Variants in AOX1 observed in about 807,000 individuals in gnomAD.
AOX1 encodes aldehyde oxidase.
Under a neutral mutation model 169.5 loss-of-function variants are expected in AOX1, and 153 were observed. That is an observed-to-expected ratio of 0.90 (90% confidence interval 0.79 to 1.03). The LOEUF (loss-of-function observed/expected upper bound fraction) is 1.03. Among genes scored for constraint, AOX1 ranks in the 50% least tolerant of loss-of-function variants. AOX1 has a pLI of 0.00. For missense variants in AOX1, 1,656 were observed against 1,663.9 expected, an observed-to-expected ratio of 1.00 and a Z score of 0.08; for synonymous variants, 562 against 581.9, an observed-to-expected ratio of 0.97 and a Z score of 0.49.
chr2:200,671,654 C>T (rs1269878443), downstream of AOX1, among the ~76,000 whole-genome samples: 1 of 152,084 alleles, frequency 6.6e-6, no homozygotes, highest in African/African-American at 2.4e-5. Flanking sequence ...TGATGGACAG[C>T]AGTAAGTATT....
intron 4 of AOX1, among the ~76,000 whole-genome samples, chr2:200,599,233 T>A (rs555549443): frequency 1.9e-4 from 29 of 152,364 alleles, no homozygotes; most frequent in Admixed American, 1.0e-3. Context: ...GGATTTCTTT[T>A]ATCTCAGTAA....
chr2:200,602,812 A>G (rs964541002), intron 6 of AOX1, among the ~76,000 whole-genome samples: 1 of 152,114 alleles, frequency 6.6e-6, no homozygotes, highest in Admixed American at 6.6e-5. Context: ...TTGAGTAGCT[A>G]CTCAATATTT....
intron 12 of AOX1, among the ~76,000 whole-genome samples, chr2:200,611,098 A>C (rs974671483): frequency 2.0e-5 from 3 of 152,102 alleles, no homozygotes; most frequent in African/African-American, 7.2e-5. Context: ...CAAATGATCC[A>C]CCTGCCTTGG....
At chr2:200,642,137 AAG>A (rs1491031113) in intron 24 of AOX1, among the ~76,000 whole-genome samples, 2 of 152,168 alleles carry the variant, frequency 1.3e-5, no homozygotes, top group Non-Finnish European at 2.9e-5. Flanking sequence ...CTAAAAAAAA[AAG>A]AGTTTCAACC....
At position 200,611,413 on chromosome 2, in the gene AOX1, C is replaced by G. The variant is rs749984777; in HGVS notation, c.1183C>G (p.Gln395Glu). ...AAAACGACAGATTCCTTTAAATGAG[C>G]AATTCCTCAGCAAGTGCCCTAATGC... The part of the protein sequence containing the change: ...EGKRQIPLNE[Q>E]FLSKCPNADL... Residue 395 changes from glutamine (Q) to glutamate (E), a missense_variant, in exon 13 of 35, where the codon CAA becomes GAA. By Grantham distance (29) the Gln-to-Glu change is conservative. Transcript: ENST00000374700. The G allele has an allele frequency of 6.2e-7, 1 of 1,613,700 alleles. No individual in the cohort carries two copies. The highest frequency in any genetic ancestry group is 8.5e-7 in the Non-Finnish European group (1 of 1,179,656).
chr2:200,676,832 C>G (rs1044740729), intron 4 of AOX1: 2 of 452,424 alleles, frequency 4.4e-6, no homozygotes, highest in Admixed American at 5.1e-5. Flanking sequence ...GAAGCAGATA[C>G]AAATGGCCCC....
chr2:200,674,439 T>G (rs1574970997), downstream of AOX1, among the ~76,000 whole-genome samples: 4 of 148,444 alleles, frequency 2.7e-5, no homozygotes, highest in African/African-American at 7.5e-5. Context: ...GTGGGGGGGG[T>G]GATATTACAA....
intron 2 of AOX1, 112 bp from the exon 3 acceptor site, chr2:200,595,160 A>G (rs2034255604): frequency 1.7e-6 from 1 of 592,248 alleles, no homozygotes; most frequent in Non-Finnish European, 2.9e-6. Flanking sequence ...ATGAATATGT[A>G]TTGAACTTAA....
At chr2:200,608,697 C>T (rs2034566730) in intron 10 of AOX1, among the ~76,000 whole-genome samples, 1 of 151,334 alleles carries the variant, frequency 6.6e-6, no homozygotes, top group Admixed American at 6.6e-5. Flanking sequence ...TTACCTCCAT[C>T]AACACCACTT....
At chr2:200,625,328 A>T (rs1022164260) in intron 19 of AOX1, among the ~76,000 whole-genome samples, 2 of 152,122 alleles carry the variant, frequency 1.3e-5, no homozygotes, top group African/African-American at 4.8e-5. Context: ...TTTGTTTATA[A>T]ATCTTTGCCC....
chr2:200,616,012 T>G lies in AOX1; in HGVS notation c.1653T>G (p.Ser551Arg). Residue 551 changes from serine to arginine, a missense_variant, in exon 16 of 35, where the codon AGT becomes AGG. By Grantham distance (110) the Ser-to-Arg change is moderately radical. Coordinates refer to ENST00000374700, the MANE Select transcript of AOX1 (RefSeq NM_001159.4). ...CTAGCCTTGCAGACAAGTATGAAAG[T>G]GCTTTAGAAGATCTTCATTCCAAAC... is the stretch of plus-strand genomic sequence containing the variant. ...HYPSLADKYE[S>R]ALEDLHSKHH... The G allele has an allele frequency of 6.2e-7, 1 of 1,614,004 alleles. No individual in the cohort carries two copies. The highest frequency in any genetic ancestry group is 8.5e-7 in the Non-Finnish European group (1 of 1,179,860).
At chr2:200,621,526 G>A (rs577644524) in intron 18 of AOX1, among the ~76,000 whole-genome samples, 2 of 152,154 alleles carry the variant, frequency 1.3e-5, no homozygotes, top group South Asian at 4.2e-4. Flanking sequence ...AATGAAGATG[G>A]AATAATGGTA....
chr2:200,597,352 A>T, intron 3 of AOX1, 45 bp from the exon 4 acceptor site: 2 of 1,438,306 alleles, frequency 1.4e-6, no homozygotes, highest in South Asian at 2.6e-5. Flanking sequence ...TTCCCACTGT[A>T]TGCGACATAA....
chr2:200,589,916 A>C (rs906435724), intron 1 of AOX1, among the ~76,000 whole-genome samples: 4 of 152,210 alleles, frequency 2.6e-5, no homozygotes, highest in Non-Finnish European at 5.9e-5. Flanking sequence ...AAAGTGGAGA[A>C]GGTGGAGGCA....
Position 200,604,077 on chromosome 2 carries a change from A to AT in AOX1, c.650dup (p.Phe218IlefsTer4). On this transcript the variant is annotated frameshift_variant, in exon 8 of 35. Transcript: ENST00000374700. LOFTEE classifies it high-confidence loss of function. ...GCCATTGGATCCAACCCAGGAACTGATATTTCCTCCTGAGCTAATGGTGAG... is the reference window on the plus strand; with the variant it reads ...GCCATTGGATCCAACCCAGGAACTGATTATTTCCTCCTGAGCTAATGGTGAG... 6.2e-7 allele frequency: 1 copy of AT among 1,612,400 alleles called. No individual in the cohort carries two copies. The highest frequency in any genetic ancestry group is 8.5e-7 in the Non-Finnish European group (1 of 1,178,438).
downstream of AOX1, among the ~76,000 whole-genome samples, chr2:200,673,072 G>A (rs1025724222): frequency 6.6e-6 from 1 of 152,192 alleles, no homozygotes; most frequent in African/African-American, 2.4e-5. Context: ...CCTGGATGCT[G>A]TGCTGATGCA....
the AOX1 span, among the ~76,000 whole-genome samples, chr2:200,682,092 T>C: frequency 2.7e-4 from 41 of 152,348 alleles, no homozygotes; most frequent in African/African-American, 9.6e-4. Context: ...TTCCACTGTT[T>C]TGTCCTTTCA....
In AOX1 at chr2:200,611,592, T is replaced by C; in HGVS notation, c.1263+99T>C. On this transcript the variant is annotated intron_variant, in intron 13 of 34. Coordinates refer to ENST00000374700, the MANE Select transcript of AOX1 (RefSeq NM_001159.4). ...AATAAGAAAAAGGGTGAAGTGTTTA[T>C]GTGGGAGATAAAGGCTCAACTTCAG... The C allele has an allele frequency of 3.8e-6, 3 of 796,790 alleles. No homozygotes were observed. The South Asian group carries it at 4.8e-5, about 13-fold the overall frequency. 49.4% of individuals were successfully genotyped at this position (796,790 alleles called of 1,614,324 possible).
At chr2:200,679,132 A>G (rs2036133113), downstream of AOX1, among the ~76,000 whole-genome samples, 1 of 152,178 alleles carries the variant, frequency 6.6e-6, no homozygotes, top group African/African-American at 2.4e-5. Flanking sequence ...TTAGGTAGCC[A>G]TACTATTATA....
Sources: allele counts gnomAD v4.1 joint callset (sites outside exome capture counted in the v4.1 genomes callset), GRCh38; gene constraint gnomAD v4.1.1; transcripts MANE v1.5; gene names NCBI Gene and HGNC (gene_info 2026-07-23, HGNC 2026-07-21).